Variants in COL13A1 observed in about 807,000 individuals in gnomAD.
COL13A1 encodes the protein collagen alpha-1(XIII) chain.
COL13A1 carries 89 observed loss-of-function variants against 130.9 expected under a neutral mutation model. That is an observed-to-expected ratio of 0.68 (90% CI 0.57 to 0.81). COL13A1 has a LOEUF of 0.81. Ranked by LOEUF, COL13A1 falls within the 30% of genes least tolerant of loss-of-function variation. The probability of loss-of-function intolerance (pLI) is 0.00; values close to 1 mark genes in which losing one functional copy is unlikely to be tolerated. For missense variants in COL13A1, 879 were observed against 934.6 expected (o/e 0.94, Z 0.78); for synonymous variants, 402 against 341.6 (o/e 1.18, Z -1.95).
intron 3 of COL13A1, among the ~76,000 whole-genome samples, chr10:69,871,361 A>C (rs1044635930): frequency 9.9e-5 from 15 of 152,132 alleles, no homozygotes; most frequent in African/African-American, 3.6e-4. Context: ...ACATTCGTGA[A>C]TGAAACAGGA....
At chr10:69,950,347 A>G (rs1191930156) in intron 38 of COL13A1, among the ~76,000 whole-genome samples, 2 of 152,116 alleles carry the variant, frequency 1.3e-5, no homozygotes, top group Non-Finnish European at 2.9e-5. Flanking sequence ...TACTACTCTA[A>G]TAGCCTCAAA....
intron 2 of COL13A1, among the ~76,000 whole-genome samples, chr10:69,841,148 G>A (rs1851500129): frequency 6.7e-6 from 1 of 149,918 alleles, no homozygotes. Context: ...CCAGGCCTCT[G>A]CCCCTGCTCT....
chr10:69,864,558 G>A (rs371993452), intron 2 of COL13A1, among the ~76,000 whole-genome samples: 30 of 152,326 alleles, frequency 2.0e-4, no homozygotes, highest in African/African-American at 7.0e-4. Flanking sequence ...AGAGGACAAT[G>A]AGTATACTTT....
At chr10:69,953,541 G>A (rs559660884) in intron 39 of COL13A1, among the ~76,000 whole-genome samples, 1 of 152,310 alleles carries the variant, frequency 6.6e-6, no homozygotes, top group African/African-American at 2.4e-5. Context: ...ACCAGAACTG[G>A]TAGTCAGACA....
intron 2 of COL13A1, among the ~76,000 whole-genome samples, chr10:69,839,039 C>A (rs1436072613): frequency 6.6e-6 from 1 of 152,232 alleles, no homozygotes. Flanking sequence ...AAACCCATCC[C>A]CTGATTGGGC....
intron 9 of COL13A1, 99 bp downstream of exon 9, chr10:69,888,429 A>G: frequency 6.7e-7 from 1 of 1,501,134 alleles, no homozygotes; most frequent in Non-Finnish European, 9.1e-7. Flanking sequence ...CTTTACTTAG[A>G]AAGAAAAGTC....
chr10:69,844,988 C>A (rs1425650266), intron 2 of COL13A1, among the ~76,000 whole-genome samples: 3 of 152,070 alleles, frequency 2.0e-5, no homozygotes, highest in Non-Finnish European at 4.4e-5. Context: ...TAGGAGCTTG[C>A]TGGAAAGGCC....
At chr10:69,875,028 A>G in intron 4 of COL13A1, 100 bp from the exon 5 acceptor site, 3 of 1,463,112 alleles carry the variant, frequency 2.1e-6, no homozygotes, top group Non-Finnish European at 2.9e-6. Flanking sequence ...AAACTGGGTT[A>G]GCTGTGCCCT....
rs1015098538 is a variant in COL13A1, at chr10:69,817,628, C to T, written c.295-4741C>T. Among the ~76,000 whole-genome samples the T allele has an allele frequency of 8.5e-5, 13 of 152,076 alleles. No individual in the cohort carries two copies. The East Asian group carries it at 2.3e-3, about 27-fold the overall frequency. On this transcript the variant is annotated intron_variant, in intron 1 of 40. Transcript: ENST00000645393. ...TGTGCAGGGGTGGGGTAGGAGGAGACGTTGGATCTAGCCAGGCTCGTGGCT... is the reference window on the plus strand; with the variant it reads ...TGTGCAGGGGTGGGGTAGGAGGAGATGTTGGATCTAGCCAGGCTCGTGGCT...
Position 69,802,346 on chromosome 10 carries a change from T to C in COL13A1, c.-78T>C. On this transcript the variant is annotated 5_prime_UTR_variant, in exon 1 of 41. Coordinates refer to ENST00000645393, the MANE Select transcript of COL13A1 (RefSeq NM_001368882.1). ...AGCCCTTTCCCCCTGCCCCGCAGTT[T>C]GGATAGAGCCTTTTGGCAGCGGCTG... is the stretch of plus-strand genomic sequence containing the variant. 1 of 1,357,972 alleles carries C rather than the reference T, an allele frequency of 7.4e-7. No homozygotes were observed. Among genetic ancestry groups the C allele is most frequent in the Non-Finnish European group, 9.5e-7 (1 of 1,053,954 alleles). The allele number at this position is 1,357,972 out of a possible 1,614,324, so 84.1% of individuals were successfully genotyped here. A position where few individuals can be genotyped will look rare whatever the true frequency, so the allele number is the denominator to read the frequency against.
chr10:69,931,030 C>T (rs2066048582), intron 30 of COL13A1: 1 of 355,864 alleles, frequency 2.8e-6, no homozygotes, highest in African/African-American at 2.1e-5. Flanking sequence ...GGGTTTCCAT[C>T]TGTGAAATGG....
In COL13A1 at chr10:69,893,456, G is replaced by A. The variant is rs1477158085; in HGVS notation, c.604-1096G>A. On this transcript the variant is annotated intron_variant, in intron 10 of 40. Coordinates refer to ENST00000645393, the MANE Select transcript of COL13A1 (RefSeq NM_001368882.1). Reference sequence around the variant, plus strand: ...TTCTCCCTTCCAGTGATGCTCTTGGGAGTTTCCCAGTTTGGAGGTGGCCCT... The same window carrying A: ...TTCTCCCTTCCAGTGATGCTCTTGGAAGTTTCCCAGTTTGGAGGTGGCCCT... 3.3e-5 allele frequency among the ~76,000 whole-genome samples: 5 copies of A among 152,244 alleles called. No homozygotes were observed. In the East Asian group the frequency reaches 9.6e-4, roughly 29 times the overall value.
rs192436258 is a variant in COL13A1 at position 69,892,215 on chromosome 10, C to T, written c.604-2337C>T. The stretch of plus-strand genomic sequence containing the variant: ...GCATGGGTACCCGAGCTGTTAGTTG[C>T]CCACCGCTGTCCAGCATCATTACCT... On this transcript the variant is annotated intron_variant, in intron 10 of 40. Transcript: ENST00000645393. 3.3e-5 allele frequency among the ~76,000 whole-genome samples: 5 copies of T among 152,266 alleles called. No individual in the cohort carries two copies. In the East Asian group the frequency reaches 9.7e-4, roughly 29 times the overall value.
At chr10:69,810,865 A>T (rs567980499) in intron 1 of COL13A1, among the ~76,000 whole-genome samples, 1 of 152,276 alleles carries the variant, frequency 6.6e-6, no homozygotes, top group African/African-American at 2.4e-5. Flanking sequence ...CCTTGCAGAG[A>T]TGCTGTCTGT....
chr10:69,895,304 G>A (rs921790647), intron 12 of COL13A1, among the ~76,000 whole-genome samples: 4 of 152,176 alleles, frequency 2.6e-5, no homozygotes, highest in African/African-American at 9.6e-5. Flanking sequence ...GGTATAAGGC[G>A]AAGCCCCACC....
chr10:69,856,627 G>A lies in COL13A1; in HGVS notation c.365-11171G>A, dbSNP rs111904344. On this transcript the variant is annotated intron_variant, in intron 2 of 40. Transcript: ENST00000645393. ...GGGTTGTGGTAAATCAAAGCCAGCTGCGTGAAGGAGAGGATGTGAAGCCGT... is the reference window on the plus strand; with the variant it reads ...GGGTTGTGGTAAATCAAAGCCAGCTACGTGAAGGAGAGGATGTGAAGCCGT... Among the ~76,000 whole-genome samples, 622 of 152,346 alleles carry A rather than the reference G, an allele frequency of 4.1e-3. 3 individuals are homozygous for A. Among genetic ancestry groups the A allele is most frequent in the African/African-American group, 0.014 (584 of 41,588 alleles).
chr10:69,941,924 G>A (rs2067697768), intron 35 of COL13A1, among the ~76,000 whole-genome samples: 1 of 152,182 alleles, frequency 6.6e-6, no homozygotes, highest in Admixed American at 6.5e-5. Flanking sequence ...TTCCAGCCAG[G>A]GAGGCCCTGC....
rs538410468 is a variant in COL13A1 at position 69,940,981 on chromosome 10, C to T, written c.1879-7C>T. Reference sequence around the variant, plus strand: ...CTTCTTTTGGTCAAACTGTGCCCTTCGTCCAGGGAGCTTCAGGTTTGGACG... The same window carrying T: ...CTTCTTTTGGTCAAACTGTGCCCTTTGTCCAGGGAGCTTCAGGTTTGGACG... On this transcript the variant is annotated splice_region_variant and splice_polypyrimidine_tract_variant and intron_variant, in intron 34 of 40. Coordinates refer to ENST00000645393, the MANE Select transcript of COL13A1 (RefSeq NM_001368882.1). 33 of 1,613,918 alleles carry T rather than the reference C, an allele frequency of 2.0e-5. No individual in the cohort carries two copies. Among genetic ancestry groups the T allele is most frequent in the South Asian group, 9.9e-5 (9 of 91,070 alleles).
Position 69,922,771 on chromosome 10 carries a change from C to A in COL13A1, c.1207C>A (p.Leu403Ile), listed in dbSNP as rs765387307. 38 of 1,598,276 alleles carry A rather than the reference C, an allele frequency of 2.4e-5. No individual in the cohort carries two copies. Among genetic ancestry groups the A allele is most frequent in the Non-Finnish European group, 3.2e-5 (38 of 1,172,772 alleles). Residue 403 changes from leucine (L) to isoleucine (I), a missense_variant, in exon 23 of 41, where the codon CTC becomes ATC. Physicochemically the swap from Leu to Ile is conservative, Grantham distance 5. Coordinates refer to ENST00000645393, the MANE Select transcript of COL13A1 (RefSeq NM_001368882.1). The stretch of plus-strand genomic sequence containing the variant: ...CAGAGGGGAACCTGGCCCTCCAGGG[C>A]TCCCTGGGCCCCCAGGGCCAAAGGT... ...GGRGEPGPPG[L>I]PGPPGPKGEA...
Sources: allele counts gnomAD v4.1 joint callset (sites outside exome capture counted in the v4.1 genomes callset), GRCh38; gene constraint gnomAD v4.1.1; transcripts MANE v1.5; gene names NCBI Gene and HGNC (gene_info 2026-07-23, HGNC 2026-07-21).